The following PRKD1 variants were observed in gnomAD, a reference collection of about 807,000 sequenced individuals.
PRKD1 encodes the protein protein kinase D1, also known as serine/threonine-protein kinase D1.
In PRKD1, 63 loss-of-function variants were observed where a neutral mutation model predicts 95.9. That is an observed-to-expected ratio of 0.66 (90% confidence interval 0.54 to 0.81). The LOEUF (loss-of-function observed/expected upper bound fraction) is 0.81, where lower values mean the gene tolerates loss of function less well. Ranked by LOEUF, PRKD1 falls within the 30% of genes least tolerant of loss-of-function variation. PRKD1 has a pLI of 0.00. For synonymous variants in PRKD1, 425 were observed against 423.1 expected (o/e 1.00, Z -0.05); for missense variants, 1,048 against 1,165.3 (o/e 0.90, Z 1.47).
chr14:29,718,710 A>G (rs1441052250), intron 2 of PRKD1, among the ~76,000 whole-genome samples: 3 of 152,206 alleles, frequency 2.0e-5, no homozygotes, highest in African/African-American at 7.2e-5. Context: ...AGCCTGTGAC[A>G]CTTAGATGTC....
At chr14:29,772,485 T>A (rs1050125918) in intron 1 of PRKD1, among the ~76,000 whole-genome samples, 2 of 152,232 alleles carry the variant, frequency 1.3e-5, no homozygotes, top group African/African-American at 4.8e-5. Flanking sequence ...GTCAAAGGTA[T>A]TTTGTTATAG....
intron 1 of PRKD1, among the ~76,000 whole-genome samples, chr14:29,874,584 C>T (rs1455485670): frequency 1.3e-5 from 2 of 152,100 alleles, no homozygotes; most frequent in Non-Finnish European, 2.9e-5. Flanking sequence ...CAGAATCAAC[C>T]TAAGTGTCCA....
chr14:29,667,414 G>A (rs1882586793), intron 2 of PRKD1, among the ~76,000 whole-genome samples: 1 of 152,086 alleles, frequency 6.6e-6, no homozygotes, highest in Non-Finnish European at 1.5e-5. Flanking sequence ...CTTGTCTTCT[G>A]CCTTCCTTTC....
chr14:29,897,542 T>C (rs553588695), intron 1 of PRKD1, among the ~76,000 whole-genome samples: 84 of 152,338 alleles, frequency 5.5e-4, no homozygotes, highest in Non-Finnish European at 1.0e-3. Flanking sequence ...AGCCCTGTTA[T>C]GAAATTCTTT....
intron 9 of PRKD1, among the ~76,000 whole-genome samples, chr14:29,631,557 T>C (rs1310063881): frequency 6.6e-6 from 1 of 151,596 alleles, no homozygotes; most frequent in Non-Finnish European, 1.5e-5. Context: ...TGGAGTGCAG[T>C]GGCGTGATCT....
chr14:29,788,658 T>C (rs1243056664), intron 1 of PRKD1, among the ~76,000 whole-genome samples: 1 of 152,178 alleles, frequency 6.6e-6, no homozygotes, highest in African/African-American at 2.4e-5. Flanking sequence ...TGTCTTCCAA[T>C]TCAGAAATTA....
intron 1 of PRKD1, among the ~76,000 whole-genome samples, chr14:29,771,407 T>C (rs1406479505): frequency 6.6e-6 from 1 of 152,168 alleles, no homozygotes; most frequent in African/African-American, 2.4e-5. Context: ...CTCAAGTCTC[T>C]GCCTCCCACA....
intron 1 of PRKD1, among the ~76,000 whole-genome samples, chr14:29,789,276 T>C (rs138138434): frequency 7.5e-4 from 115 of 152,336 alleles, no homozygotes; most frequent in African/African-American, 2.7e-3. Context: ...GGAAAAATTA[T>C]TGTGAACCTT....
chr14:29,796,936 TG>T (rs1889843876), intron 1 of PRKD1, among the ~76,000 whole-genome samples: 1 of 152,228 alleles, frequency 6.6e-6, no homozygotes, highest in Non-Finnish European at 1.5e-5. Flanking sequence ...TGTTGTTATT[TG>T]TTTTTTAAGA....
At chr14:29,747,518 T>C (rs1035348727) in intron 1 of PRKD1, among the ~76,000 whole-genome samples, 5 of 152,088 alleles carry the variant, frequency 3.3e-5, no homozygotes, top group Admixed American at 2.0e-4. Context: ...AGCAGCACTA[T>C]TCACAATAGG....
chr14:29,831,066 A>C (rs551453937), intron 1 of PRKD1, among the ~76,000 whole-genome samples: 1 of 152,280 alleles, frequency 6.6e-6, no homozygotes, highest in African/African-American at 2.4e-5. Flanking sequence ...TCGGTTCATG[A>C]ATTTATACTT....
chr14:29,784,545 G>C (rs985553124), intron 1 of PRKD1, among the ~76,000 whole-genome samples: 1 of 152,024 alleles, frequency 6.6e-6, no homozygotes, highest in Non-Finnish European at 1.5e-5. Flanking sequence ...TTTTCCATTT[G>C]TTTCTGTCCT....
At chr14:29,675,946 A>G (rs1306339701) in intron 2 of PRKD1, among the ~76,000 whole-genome samples, 5 of 126,516 alleles carry the variant, frequency 4.0e-5, no homozygotes, top group Non-Finnish European at 7.9e-5. Context: ...ACTTGGACAC[A>G]GGAAGGGGAA....
At chr14:29,813,162 T>C (rs1890559403) in intron 1 of PRKD1, among the ~76,000 whole-genome samples, 1 of 152,064 alleles carries the variant, frequency 6.6e-6, no homozygotes, top group Non-Finnish European at 1.5e-5. Context: ...AAAATGAAAA[T>C]ATGCATTCTA....
At chr14:29,914,543 G>A (rs1057406395) in intron 1 of PRKD1, among the ~76,000 whole-genome samples, 25 of 152,132 alleles carry the variant, frequency 1.6e-4, no homozygotes, top group African/African-American at 5.8e-4. Context: ...AGACCAGCCT[G>A]GTCAACAGAG....
At chr14:29,583,168 G>A (rs1892804598) in intron 16 of PRKD1, among the ~76,000 whole-genome samples, 2 of 152,126 alleles carry the variant, frequency 1.3e-5, no homozygotes, top group African/African-American at 4.8e-5. Context: ...TTGGTACCCT[G>A]TACCTCCTTC....
intron 1 of PRKD1, among the ~76,000 whole-genome samples, chr14:29,745,214 A>G (rs1403925328): frequency 6.6e-6 from 1 of 152,168 alleles, no homozygotes; most frequent in South Asian, 2.1e-4. Flanking sequence ...GCTTCCTTTT[A>G]ATCAGATAAG....
At chr14:29,923,844 G>C (rs1053909841) in intron 1 of PRKD1, among the ~76,000 whole-genome samples, 5 of 148,952 alleles carry the variant, frequency 3.4e-5, no homozygotes, top group African/African-American at 1.2e-4. Context: ...ATGTGTGTGT[G>C]TTTGTGTGTG....
intron 1 of PRKD1, among the ~76,000 whole-genome samples, chr14:29,788,878 C>G (rs1231091905): frequency 6.6e-6 from 1 of 150,910 alleles, no homozygotes; most frequent in Non-Finnish European, 1.5e-5. Context: ...TCTTTGTTTT[C>G]TTTTATTTAT....
Sources: allele counts gnomAD v4.1 joint callset (sites outside exome capture counted in the v4.1 genomes callset), GRCh38; gene constraint gnomAD v4.1.1; transcripts MANE v1.5; gene names NCBI Gene and HGNC (gene_info 2026-07-23, HGNC 2026-07-21).